Variants in RBFOX1 observed in about 807,000 individuals in gnomAD.
RBFOX1 encodes the protein RNA binding protein fox-1 homolog 1.
In RBFOX1, 8 loss-of-function variants were observed where a neutral mutation model predicts 57.7. The observed-to-expected ratio is 0.14, with a 90% CI of 0.08 to 0.25. The LOEUF (loss-of-function observed/expected upper bound fraction) is 0.25, where lower values mean the gene tolerates loss of function less well. Ranked by LOEUF, RBFOX1 falls within the 10% of genes least tolerant of loss-of-function variation. The pLI is 1.00. For missense variants in RBFOX1, 611 were observed against 548.5 expected, an observed-to-expected ratio of 1.11 and a Z score of -1.14; for synonymous variants, 326 against 222.4, an observed-to-expected ratio of 1.47 and a Z score of -4.15.
chr16:7,534,027 G>C (rs1403308421), intron 5 of RBFOX1, among the ~76,000 whole-genome samples: 1 of 151,534 alleles, frequency 6.6e-6, no homozygotes, highest in Non-Finnish European at 1.5e-5. Context: ...ACCAGGAAGT[G>C]ATAGACATGG....
intron 4 of RBFOX1, among the ~76,000 whole-genome samples, chr16:7,351,659 C>CT (rs1479755366): frequency 1.3e-5 from 2 of 152,282 alleles, no homozygotes; most frequent in East Asian, 1.9e-4. Context: ...CACTTGTTCT[C>CT]TTTTTTTCGC....
chr16:6,056,937 A>T (rs2095621942), intron 1 of RBFOX1: 1 of 151,922 alleles, frequency 6.6e-6, no homozygotes, highest in Non-Finnish European at 1.5e-5. Flanking sequence ...TGATGTGGCA[A>T]TTGATTAAAC....
chr16:7,573,283 G>C (rs973281129), intron 5 of RBFOX1, among the ~76,000 whole-genome samples: 5 of 152,168 alleles, frequency 3.3e-5, no homozygotes, highest in Non-Finnish European at 7.3e-5. Context: ...ATGGGAGACA[G>C]GCAGCAGGCA....
At chr16:7,450,614 C>T (rs552385701) in intron 4 of RBFOX1, among the ~76,000 whole-genome samples, 9 of 152,138 alleles carry the variant, frequency 5.9e-5, no homozygotes, top group Admixed American at 5.2e-4. Context: ...ATCTGGGATT[C>T]CAGGCTCCTT....
intron 3 of RBFOX1, among the ~76,000 whole-genome samples, chr16:6,737,999 C>T (rs908298928): frequency 6.6e-6 from 1 of 151,196 alleles, no homozygotes; most frequent in Non-Finnish European, 1.5e-5. Context: ...CTAACTATTG[C>T]CACTGGGAAT....
At chr16:6,565,741 T>G (rs1461348523) in intron 2 of RBFOX1, among the ~76,000 whole-genome samples, 1 of 152,226 alleles carries the variant, frequency 6.6e-6, no homozygotes, top group Non-Finnish European at 1.5e-5. Context: ...GTGCTGGGAT[T>G]ACAGGTGTGA....
chr16:6,480,231 A>G (rs375558330), intron 2 of RBFOX1, among the ~76,000 whole-genome samples: 1 of 152,234 alleles, frequency 6.6e-6, no homozygotes, highest in East Asian at 1.9e-4. Context: ...ATGTACACAC[A>G]TATAACATAT....
At chr16:7,616,704 G>C (rs1470867368) in intron 10 of RBFOX1, among the ~76,000 whole-genome samples, 1 of 152,102 alleles carries the variant, frequency 6.6e-6, no homozygotes. Flanking sequence ...GCTAACTTTT[G>C]TATTTTTAGT....
intron 2 of RBFOX1, among the ~76,000 whole-genome samples, chr16:5,519,600 CTGTGGTTTCAGCTACACTGG>C (rs2043932929): frequency 1.3e-5 from 2 of 152,024 alleles, no homozygotes; most frequent in Admixed American, 1.3e-4. Context: ...TGGTGTATAC[CTGTGGTTTCAGCTACACTGG>C]AGGCTGAGGC....
At chr16:7,411,191 C>G (rs1340047725) in intron 4 of RBFOX1, among the ~76,000 whole-genome samples, 1 of 152,014 alleles carries the variant, frequency 6.6e-6, no homozygotes, top group Non-Finnish European at 1.5e-5. Flanking sequence ...GGTGATCTGC[C>G]CTTCTCAGCC....
At chr16:6,612,618 G>A (rs1455021859) in intron 2 of RBFOX1, among the ~76,000 whole-genome samples, 2 of 152,008 alleles carry the variant, frequency 1.3e-5, no homozygotes, top group Non-Finnish European at 2.9e-5. Flanking sequence ...TTGGAAGGCC[G>A]AGGCAGGTGG....
intron 4 of RBFOX1, among the ~76,000 whole-genome samples, chr16:7,332,082 A>G (rs2096705337): frequency 6.6e-6 from 1 of 152,196 alleles, no homozygotes; most frequent in African/African-American, 2.4e-5. Flanking sequence ...CACAAAATAA[A>G]AGGCATAGAA....
intron 3 of RBFOX1, among the ~76,000 whole-genome samples, chr16:7,004,902 G>A (rs2093163376): frequency 6.6e-6 from 1 of 152,122 alleles, no homozygotes; most frequent in Admixed American, 6.5e-5. Context: ...GTAATTCCAG[G>A]ACTTTGTAAG....
intron 3 of RBFOX1, among the ~76,000 whole-genome samples, chr16:6,754,308 C>A (rs1007810319): frequency 1.3e-5 from 2 of 152,124 alleles, no homozygotes; most frequent in African/African-American, 2.4e-5. Flanking sequence ...TATCCTCAAT[C>A]CAAATTGCAT....
intron 2 of RBFOX1, among the ~76,000 whole-genome samples, chr16:6,562,969 C>A (rs1281881694): frequency 6.9e-6 from 1 of 144,742 alleles, no homozygotes; most frequent in African/African-American, 2.6e-5. Flanking sequence ...TGGGTATGTC[C>A]TTCTGTGCAA....
chr16:7,297,536 A>G (rs1172331447), intron 4 of RBFOX1, among the ~76,000 whole-genome samples: 2 of 152,166 alleles, frequency 1.3e-5, no homozygotes, highest in Non-Finnish European at 1.5e-5. Flanking sequence ...AGCTTAGTCC[A>G]TTCCCTTTTT....
chr16:7,256,685 A>G (rs777112593), intron 4 of RBFOX1, among the ~76,000 whole-genome samples: 1 of 152,180 alleles, frequency 6.6e-6, no homozygotes, highest in Non-Finnish European at 1.5e-5. Context: ...CCTTTAGGGT[A>G]AATAATCGCT....
intron 4 of RBFOX1, among the ~76,000 whole-genome samples, chr16:7,235,682 C>A (rs1250946089): frequency 6.6e-6 from 1 of 152,088 alleles, no homozygotes; most frequent in Admixed American, 6.6e-5. Context: ...TCAAGAATAT[C>A]CTCTTTGAGG....
At chr16:7,435,704 GT>G (rs2098716248) in intron 4 of RBFOX1, among the ~76,000 whole-genome samples, 1 of 152,192 alleles carries the variant, frequency 6.6e-6, no homozygotes, top group African/African-American at 2.4e-5. Flanking sequence ...TTAGCTGTAG[GT>G]TTTGGCCTTC....
Sources: allele counts gnomAD v4.1 joint callset (sites outside exome capture counted in the v4.1 genomes callset), GRCh38; gene constraint gnomAD v4.1.1; transcripts MANE v1.5; gene names NCBI Gene and HGNC (gene_info 2026-07-23, HGNC 2026-07-21).